KLHL13: variants seen among roughly 807,000 people sequenced by gnomAD.
The protein encoded by KLHL13 is kelch like family member 13.
Under a neutral mutation model 37.1 loss-of-function variants are expected in KLHL13, and 10 were observed. The observed-to-expected ratio is 0.27, with a 90% CI of 0.17 to 0.46. The LOEUF (loss-of-function observed/expected upper bound fraction) is 0.46. Among genes scored for constraint, KLHL13 ranks in the 20% least tolerant of loss-of-function variants. The pLI is 1.00. For missense variants in KLHL13, 360 were observed against 509.3 expected, an observed-to-expected ratio of 0.71 and a Z score of 2.82; for synonymous variants, 163 against 181.2, an observed-to-expected ratio of 0.90 and a Z score of 0.81.
intron 1 of KLHL13, among the ~76,000 whole-genome samples, chrX:118,028,871 G>A (rs1248249402): frequency 9.0e-6 from 1 of 111,515 alleles, no homozygotes; most frequent in African/African-American, 3.3e-5. Context: ...CAATTCACAT[G>A]TTTTTAAATT....
intron 1 of KLHL13, among the ~76,000 whole-genome samples, chrX:118,093,206 A>T (rs1244022259): frequency 8.9e-6 from 1 of 112,034 alleles, no homozygotes; most frequent in African/African-American, 3.2e-5. Context: ...GTCTTAAATA[A>T]AATGGCTAGA....
intron 5 of KLHL13, among the ~76,000 whole-genome samples, chrX:117,903,807 G>T (rs1930318699): frequency 9.1e-6 from 1 of 110,437 alleles, no homozygotes; most frequent in Non-Finnish European, 1.9e-5. Flanking sequence ...CCAAAGACAG[G>T]ATTCACTATA....
At chrX:117,998,963 C>T (rs2053888597) in intron 1 of KLHL13, among the ~76,000 whole-genome samples, 1 of 110,279 alleles carries the variant, frequency 9.1e-6, no homozygotes, top group South Asian at 3.8e-4. Flanking sequence ...AAGTTTGTAC[C>T]ATATAATTAT....
chrX:118,059,313 T>G (rs1241559622), intron 1 of KLHL13, among the ~76,000 whole-genome samples: 2 of 111,816 alleles, frequency 1.8e-5, no homozygotes, highest in Non-Finnish European at 3.8e-5. Context: ...TAAAACAAAA[T>G]TCTGGAACAG....
At chrX:117,963,731 T>G (rs954037135) in intron 1 of KLHL13, among the ~76,000 whole-genome samples, 7 of 97,636 alleles carry the variant, frequency 7.2e-5, no homozygotes, top group African/African-American at 1.9e-4. Context: ...CAGCACCTGT[T>G]GTTTCCTGAC....
At chrX:118,030,111 GA>G (rs2054320005) in intron 1 of KLHL13, among the ~76,000 whole-genome samples, 1 of 109,915 alleles carries the variant, frequency 9.1e-6, no homozygotes, top group South Asian at 3.8e-4. Context: ...AATAGAAGAG[GA>G]AAAAAAACTC....
intron 2 of KLHL13, among the ~76,000 whole-genome samples, chrX:117,921,951 T>C (rs1012163970): frequency 1.8e-5 from 2 of 112,305 alleles, no homozygotes; most frequent in Admixed American, 1.9e-4. Flanking sequence ...CCAACAATGA[T>C]TGACATGTTT....
chrX:117,898,696 G>A (rs1025617530), exon 7 of KLHL13: 2 of 382,831 alleles, frequency 5.2e-6, no homozygotes, highest in Non-Finnish European at 8.8e-6. Context: ...CAGCTTCTAT[G>A]GGATACATTT....
intron 1 of KLHL13, among the ~76,000 whole-genome samples, chrX:118,107,243 T>C (rs1446272917): frequency 8.9e-6 from 1 of 112,340 alleles, no homozygotes; most frequent in Non-Finnish European, 1.9e-5. Flanking sequence ...GGGCTAATTG[T>C]ATTAAAAACT....
rs190138994 is a variant in KLHL13 at position 118,012,294 on chromosome X, C to G, written c.-55-66719G>C. On this transcript the variant is annotated intron_variant, in intron 1 of 6. Coordinates refer to the KLHL13 transcript ENST00000371882. ...ATCACAAATGGTGGCTTTAAACAAC[C>G]CTAGTTGATGATCTTACAGCTCTGG... Among the ~76,000 whole-genome samples, 142 of 111,793 alleles carry G rather than the reference C, an allele frequency of 1.3e-3. 1 individual carries two copies. The highest frequency in any genetic ancestry group is 9.0e-3 in the South Asian group (24 of 2,673).
At chrX:118,027,741 T>C (rs1301852046) in intron 1 of KLHL13, among the ~76,000 whole-genome samples, 1 of 110,602 alleles carries the variant, frequency 9.0e-6, no homozygotes, top group African/African-American at 3.3e-5. Flanking sequence ...GGTACTATTA[T>C]TAACACCATT....
At chrX:118,020,112 T>G (rs959505550) in intron 1 of KLHL13, among the ~76,000 whole-genome samples, 1 of 110,290 alleles carries the variant, frequency 9.1e-6, no homozygotes, top group African/African-American at 3.3e-5. Context: ...ATATTGATTC[T>G]TCCTACCCAT....
At chrX:117,956,927 T>C (rs2053214839) in intron 1 of KLHL13, among the ~76,000 whole-genome samples, 1 of 112,534 alleles carries the variant, frequency 8.9e-6, no homozygotes, top group African/African-American at 3.2e-5. Flanking sequence ...CATACATATT[T>C]CTTAATGACC....
exon 5 of KLHL13, chrX:117,909,797 C>A (rs1183124752): frequency 8.3e-7 from 1 of 1,208,998 alleles, no homozygotes; most frequent in Admixed American, 2.2e-5. Flanking sequence ...TAATGAGCTC[C>A]TGTGGTGTCA....
At chrX:118,048,642 T>C (rs1350500730) in intron 1 of KLHL13, among the ~76,000 whole-genome samples, 1 of 112,157 alleles carries the variant, frequency 8.9e-6, no homozygotes, top group Non-Finnish European at 1.9e-5. Context: ...AAGTCGGGAC[T>C]ATGTAGATGT....
intron 1 of KLHL13, among the ~76,000 whole-genome samples, chrX:117,961,872 C>A (rs1168573012): frequency 9.1e-6 from 1 of 110,059 alleles, no homozygotes; most frequent in African/African-American, 3.3e-5. Context: ...TTTATTTTAG[C>A]CCCGTGAGAC....
chrX:117,967,430 GC>G lies in KLHL13; in HGVS notation c.98+5300del, dbSNP rs370269323. 1.5e-3 allele frequency among the ~76,000 whole-genome samples: 164 copies of G among 110,980 alleles called. 2 individuals are homozygous for G. Among genetic ancestry groups the G allele is most frequent in the African/African-American group, 5.2e-3 (159 of 30,617 alleles). On this transcript the variant is annotated intron_variant, in intron 1 of 6. Coordinates refer to ENST00000262820, the Ensembl canonical transcript of KLHL13. ...TCATCGCTCCGTCTCCCCAAGTTTG[GC>G]CATACTTAAGTCTCAACTAAATATT...
chrX:118,056,746 A>G (rs886638871), intron 1 of KLHL13, among the ~76,000 whole-genome samples: 2 of 111,680 alleles, frequency 1.8e-5, no homozygotes, highest in Non-Finnish European at 3.8e-5. Context: ...ACATAGGTTC[A>G]GCTGTCACTT....
At chrX:118,017,790 G>A (rs766277943) in intron 1 of KLHL13, among the ~76,000 whole-genome samples, 3 of 111,663 alleles carry the variant, frequency 2.7e-5, no homozygotes, top group Non-Finnish European at 5.7e-5. Context: ...TGTTAAAATG[G>A]TAAAAATATG....
Sources: allele counts gnomAD v4.1 joint callset (sites outside exome capture counted in the v4.1 genomes callset), GRCh38; gene constraint gnomAD v4.1.1; transcripts MANE v1.5; gene names NCBI Gene and HGNC (gene_info 2026-07-23, HGNC 2026-07-21).